The following CENATAC variants were observed in gnomAD, a reference collection of about 807,000 sequenced individuals.
CENATAC encodes the protein centrosomal AT-AC splicing factor, also known as coiled-coil domain containing 84.
Under a neutral mutation model 53.7 loss-of-function variants are expected in CENATAC, and 53 were observed. That is an observed-to-expected ratio of 0.99 (90% CI 0.79 to 1.24). The LOEUF is 1.24. CENATAC is among the 50% of genes most tolerant of loss of function. CENATAC has a pLI of 0.00. For synonymous variants in CENATAC, 156 were observed against 144.6 expected (o/e 1.08, Z -0.57); for missense variants, 474 against 417.8 (o/e 1.13, Z -1.17).
intron 5 of CENATAC, among the ~76,000 whole-genome samples, chr11:119,011,521 A>G (rs1942869993): frequency 6.6e-6 from 1 of 152,116 alleles, no homozygotes; most frequent in Non-Finnish European, 1.5e-5. Flanking sequence ...CTGGGATTAC[A>G]GGTGCCGCCA....
chr11:118,998,980 AG>A (rs1279027038), intron 2 of CENATAC, 30 bp from the exon 3 acceptor site: 1 of 1,466,786 alleles, frequency 6.8e-7, no homozygotes, highest in Admixed American at 1.7e-5. Flanking sequence ...TATAATCTAT[AG>A]CTGAGATTAC....
At position 118,998,267 on chromosome 11, in the gene CENATAC, C is replaced by T. The variant is rs1942110544; in HGVS notation, c.70C>T (p.Arg24Cys). Residue 24 changes from arginine (R) to cysteine (C), a missense_variant, in exon 1 of 11, where the codon CGC becomes TGC. Arg to Cys is a radical substitution (Grantham distance 180, BLOSUM62 -3). Coordinates refer to ENST00000334418, the MANE Select transcript of CENATAC (RefSeq NM_198489.3). ...CTGTGGTCGCGGGCACGTTTACAGC[C>T]GCAAGCACCAGCGGCAGCTGAAGGA... Reference protein sequence around the residue: ...FFCGRGHVYSRKHQRQLKEAL... With the variant: ...FFCGRGHVYSCKHQRQLKEAL... 6.3e-7 allele frequency: 1 copy of T among 1,595,672 alleles called. No homozygotes were observed. Among genetic ancestry groups the T allele is most frequent in the Non-Finnish European group, 8.5e-7 (1 of 1,171,254 alleles).
Position 119,006,576 on chromosome 11 carries a change from G to A in CENATAC, c.384-4188G>A, listed in dbSNP as rs533460598. On this transcript the variant is annotated intron_variant, in intron 3 of 10. Transcript: ENST00000334418. ...AGTAGAGATGGGGTTTCACCGTGTT[G>A]GCCAGGATGGTCTCGATCTCTTGAC... Among the ~76,000 whole-genome samples, 3 of 150,378 alleles carry A rather than the reference G, an allele frequency of 2.0e-5. No individual in the cohort carries two copies. In the South Asian group the frequency reaches 6.3e-4, roughly 32 times the overall value.
chr11:118,998,456 C>G lies in CENATAC; in HGVS notation c.147C>G (p.Arg49=), dbSNP rs782785635. The change falls in exon 2 of 11, where the codon CGC becomes CGG. Residue 49 remains arginine, a synonymous_variant. Coordinates refer to ENST00000334418, the MANE Select transcript of CENATAC (RefSeq NM_198489.3). ...TGGAGGCGGCCCGCAAGGCCATCCG[C>G]GCCGCTCAGGTGGAGCGCTATGTGC... ...PQVEAARKAI[R]AAQVERYVPE... is the part of the protein sequence containing the mutation. 8.1e-6 allele frequency: 13 copies of G among 1,612,764 alleles called. No homozygotes were observed. Among genetic ancestry groups the G allele is most frequent in the Non-Finnish European group, 1.1e-5 (13 of 1,179,824 alleles).
intron 3 of CENATAC, among the ~76,000 whole-genome samples, chr11:119,002,451 A>G (rs1406652490): frequency 6.7e-6 from 1 of 148,790 alleles, no homozygotes; most frequent in Non-Finnish European, 1.5e-5. Flanking sequence ...CAGTTCTCCC[A>G]TCTCAGCTTC....
At chr11:119,015,202 G>T (rs1943101081) in intron 9 of CENATAC, 105 bp from the exon 10 acceptor site, 3 of 1,439,312 alleles carry the variant, frequency 2.1e-6, no homozygotes, top group Admixed American at 2.0e-5. Flanking sequence ...GAGGTGGGAG[G>T]GTCACTTGAG....
Position 119,012,093 on chromosome 11 carries a change from T to A in CENATAC, c.579-56T>A, listed in dbSNP as rs147785764. On this transcript the variant is annotated intron_variant, in intron 6 of 10. Coordinates refer to ENST00000334418, the MANE Select transcript of CENATAC (RefSeq NM_198489.3). ...CTGGGAAATGGAAACAGATCTAATCTTTACCACCCTCATGGCTCAAGGACC... is the reference window on the plus strand; with the variant it reads ...CTGGGAAATGGAAACAGATCTAATCATTACCACCCTCATGGCTCAAGGACC... 1.7e-4 allele frequency: 272 copies of A among 1,613,836 alleles called. No homozygotes were observed. The East Asian group carries it at 4.1e-3, about 24-fold the overall frequency.
chr11:119,008,490 G>A (rs1388133833), intron 3 of CENATAC, among the ~76,000 whole-genome samples: 2 of 152,200 alleles, frequency 1.3e-5, no homozygotes, highest in Admixed American at 6.5e-5. Context: ...CTACAAGGCA[G>A]TATCACTGTA....
rs1341651063 is a variant in CENATAC, at chr11:119,007,625, G to A, written c.384-3139G>A. On this transcript the variant is annotated intron_variant, in intron 3 of 10. Coordinates refer to ENST00000334418, the MANE Select transcript of CENATAC (RefSeq NM_198489.3). ...CCACCCCAGCCTTCCAAGTATCTAGGGCTATAAGTGTGCACCATCACACCT... is the reference window on the plus strand; with the variant it reads ...CCACCCCAGCCTTCCAAGTATCTAGAGCTATAAGTGTGCACCATCACACCT... Among the ~76,000 whole-genome samples the A allele has an allele frequency of 2.6e-5, 4 of 152,068 alleles. No homozygotes were observed. The South Asian group carries it at 6.2e-4, about 24-fold the overall frequency.
At chr11:119,014,824 G>A in intron 8 of CENATAC, 170 bp from the exon 9 acceptor site, 1 of 505,278 alleles carries the variant, frequency 2.0e-6, no homozygotes, top group South Asian at 3.2e-5. Flanking sequence ...TCACATATGG[G>A]GTATGTCGCT....
intron 7 of CENATAC, chr11:119,012,671 C>G (rs1942925632): frequency 5.8e-6 from 1 of 173,550 alleles, no homozygotes; most frequent in Admixed American, 5.5e-5. Context: ...TTCTACTCCC[C>G]CTTCAATCCT....
At chr11:118,998,823 C>T (rs899302692) in intron 2 of CENATAC, among the ~76,000 whole-genome samples, 188 bp from the exon 3 acceptor site, 1 of 152,062 alleles carries the variant, frequency 6.6e-6, no homozygotes, top group Non-Finnish European at 1.5e-5. Context: ...CCCTAACCTC[C>T]CCTCAGATTC....
intron 3 of CENATAC, chr11:119,002,949 A>G (rs1942385942): frequency 2.3e-6 from 1 of 431,728 alleles, no homozygotes; most frequent in Non-Finnish European, 4.5e-6. Context: ...CCATGCCTTG[A>G]TAATTTTTTT....
At chr11:119,011,403 T>C in intron 5 of CENATAC, 120 bp downstream of exon 5, 1 of 913,926 alleles carries the variant, frequency 1.1e-6, no homozygotes. Context: ...AGACAGAGTT[T>C]CGCTGTGTCA....
At chr11:119,011,877 G>A in intron 5 of CENATAC, 62 bp from the exon 6 acceptor site, 1 of 1,446,302 alleles carries the variant, frequency 6.9e-7, no homozygotes, top group South Asian at 1.2e-5. Flanking sequence ...GAGGGTGGAG[G>A]CATGGCCTAG....
intron 8 of CENATAC, 107 bp downstream of exon 8, chr11:119,013,369 C>T (rs533041292): frequency 5.5e-4 from 420 of 764,780 alleles, no homozygotes; most frequent in Admixed American, 1.5e-3. Context: ...AATCTCAGCT[C>T]GCTGCAACCT....
Position 119,001,267 on chromosome 11 carries a change from G to A in CENATAC, c.383+2158G>A, listed in dbSNP as rs569266263. 3.3e-5 allele frequency among the ~76,000 whole-genome samples: 5 copies of A among 152,302 alleles called. No individual in the cohort carries two copies. In the South Asian group the frequency reaches 6.2e-4, roughly 19 times the overall value. ...AATAGGTGGCTACAAAATTGTGACA[G>A]TTGTAGTTTGGATTATAATTTTATA... On this transcript the variant is annotated intron_variant, in intron 3 of 10. Transcript: ENST00000334418.
At chr11:119,012,465 T>G (rs1239481097) in intron 7 of CENATAC, 1 of 517,572 alleles carries the variant, frequency 1.9e-6, no homozygotes, top group East Asian at 3.4e-5. Context: ...TGCCAACTCC[T>G]AAATCTTGCC....
Position 118,998,305 on chromosome 11 carries a change from G to C in CENATAC, c.108G>C (p.Arg36Ser). 6.2e-7 allele frequency: 1 copy of C among 1,608,382 alleles called. No homozygotes were observed. The highest frequency in any genetic ancestry group is 1.1e-5 in the South Asian group (1 of 90,110). ...GGCAGCTGAAGGAGGCTTTGGAGAG[G>C]CTCCTGCCCCAGGTGCGGAGGCAAG... ...HQRQLKEALE[R>S]LLPQVEAARK... The change falls in exon 1 of 11, where the codon AGG becomes AGC. Residue 36 changes from arginine (R) to serine (S), a missense_variant. Arg to Ser is a moderately radical substitution (Grantham distance 110). Transcript: ENST00000334418.
Sources: allele counts gnomAD v4.1 joint callset (sites outside exome capture counted in the v4.1 genomes callset), GRCh38; gene constraint gnomAD v4.1.1; transcripts MANE v1.5; gene names NCBI Gene and HGNC (gene_info 2026-07-23, HGNC 2026-07-21).